PTH2R: variants seen among roughly 807,000 people sequenced by gnomAD.
The protein encoded by PTH2R is parathyroid hormone 2 receptor, also known as PTH2 receptor.
Under a neutral mutation model 60.3 loss-of-function variants are expected in PTH2R, and 59 were observed. That is an observed-to-expected ratio of 0.98 (90% CI 0.79 to 1.22). PTH2R has a LOEUF of 1.22. PTH2R is among the 50% of genes most tolerant of loss of function. The pLI is 0.00. For synonymous variants in PTH2R, 256 were observed against 243.8 expected, an observed-to-expected ratio of 1.05 and a Z score of -0.47; for missense variants, 749 against 682.6, an observed-to-expected ratio of 1.10 and a Z score of -1.08.
intron 2 of PTH2R, among the ~76,000 whole-genome samples, chr2:208,431,214 T>C (rs1369409186): frequency 6.6e-6 from 1 of 152,224 alleles, no homozygotes; most frequent in Non-Finnish European, 1.5e-5. Context: ...GTTCAATCCA[T>C]CCATTAGTAA....
intron 1 of PTH2R, among the ~76,000 whole-genome samples, chr2:208,381,254 T>C (rs1172169085): frequency 6.6e-6 from 1 of 152,054 alleles, no homozygotes; most frequent in African/African-American, 2.4e-5. Context: ...ATGTATCATA[T>C]CCAGTTAAAA....
chr2:208,458,813 G>T (rs1702569721), intron 8 of PTH2R, among the ~76,000 whole-genome samples: 1 of 152,032 alleles, frequency 6.6e-6, no homozygotes, highest in East Asian at 1.9e-4. Flanking sequence ...ATATTCCATG[G>T]TATACATGTA....
chr2:208,457,725 C>T (rs1306993970), intron 8 of PTH2R, among the ~76,000 whole-genome samples: 1 of 152,088 alleles, frequency 6.6e-6, no homozygotes, highest in South Asian at 2.1e-4. Context: ...ATGGGGAGGA[C>T]TGAGACATCT....
intron 6 of PTH2R, 136 bp downstream of exon 6, chr2:208,443,673 A>T: frequency 1.5e-6 from 1 of 662,596 alleles, no homozygotes; most frequent in Non-Finnish European, 2.3e-6. Flanking sequence ...CAATTTGTAT[A>T]GTGATGTTTT....
At chr2:208,477,946 G>GTAC (rs1559231889) in intron 9 of PTH2R, among the ~76,000 whole-genome samples, 6 of 144,386 alleles carry the variant, frequency 4.2e-5, no homozygotes, top group East Asian at 2.1e-4. Flanking sequence ...ACTACTAGTA[G>GTAC]TACTAGCACT....
intron 1 of PTH2R, among the ~76,000 whole-genome samples, chr2:208,373,703 C>T (rs1410885865): frequency 3.3e-5 from 5 of 152,036 alleles, no homozygotes; most frequent in African/African-American, 4.8e-5. Flanking sequence ...AAAATTTCCA[C>T]ATTTTAATCT....
intron 1 of PTH2R, among the ~76,000 whole-genome samples, chr2:208,418,861 A>AT (rs1305716555): frequency 6.6e-6 from 1 of 152,180 alleles, no homozygotes; most frequent in Non-Finnish European, 1.5e-5. Context: ...TTATAGCTTC[A>AT]TAATAGCCTA....
chr2:208,482,244 A>G lies in PTH2R; in HGVS notation c.1076+1080A>G, dbSNP rs376362776. Among the ~76,000 whole-genome samples, 10 of 152,284 alleles carry G rather than the reference A, an allele frequency of 6.6e-5. No homozygotes were observed. In the East Asian group the frequency reaches 1.5e-3, roughly 24 times the overall value. ...TATTGTGGGATCTGGCCAGCAGCCC[A>G]CAATGCAACGGGGCTCTCTCTTTGT... On this transcript the variant is annotated intron_variant, in intron 10 of 12. Transcript: ENST00000272847.
chr2:208,377,949 C>A (rs1310344785), intron 1 of PTH2R, among the ~76,000 whole-genome samples: 1 of 151,990 alleles, frequency 6.6e-6, no homozygotes, highest in African/African-American at 2.4e-5. Context: ...GGCAGAGACG[C>A]TCCTCACTTC....
intron 1 of PTH2R, among the ~76,000 whole-genome samples, chr2:208,387,840 G>A (rs1701030149): frequency 6.6e-6 from 1 of 152,168 alleles, no homozygotes; most frequent in Non-Finnish European, 1.5e-5. Flanking sequence ...GGAAACGGAT[G>A]CTCTCATGTT....
intron 10 of PTH2R, among the ~76,000 whole-genome samples, chr2:208,488,702 C>T (rs34757991): frequency 0.026 from 3,953 of 152,008 alleles, 52 homozygotes; most frequent in Middle Eastern, 0.041. Flanking sequence ...ATGGCGAGAC[C>T]CCGTCTCTAC....
intron 8 of PTH2R, among the ~76,000 whole-genome samples, chr2:208,455,440 A>G (rs1415517708): frequency 6.6e-6 from 1 of 152,192 alleles, no homozygotes. Flanking sequence ...CATTCATTCA[A>G]TTAGTTATAT....
At chr2:208,473,401 G>T (rs1007253166) in intron 9 of PTH2R, among the ~76,000 whole-genome samples, 4 of 152,168 alleles carry the variant, frequency 2.6e-5, no homozygotes, top group African/African-American at 9.7e-5. Context: ...GCAATAGTAG[G>T]TAAATAATAT....
chr2:208,462,072 T>A (rs1381607012), intron 9 of PTH2R, among the ~76,000 whole-genome samples: 1 of 152,246 alleles, frequency 6.6e-6, no homozygotes, highest in Non-Finnish European at 1.5e-5. Context: ...AATATCTTTC[T>A]GTTCACTAAG....
chr2:208,415,608 C>T lies in PTH2R; in HGVS notation c.75+8490C>T, dbSNP rs572340912. On this transcript the variant is annotated intron_variant, in intron 1 of 12. Transcript: ENST00000272847. ...TAGTGTATGTGGATTTTTTTGCTAT[C>T]AAATAAAATGGAAAAGCATTGTGTT... Among the ~76,000 whole-genome samples, 6 of 152,210 alleles carry T rather than the reference C, an allele frequency of 3.9e-5. No homozygotes were observed. In the East Asian group the frequency reaches 1.2e-3, roughly 29 times the overall value.
intron 10 of PTH2R, among the ~76,000 whole-genome samples, chr2:208,487,801 G>T (rs1441214232): frequency 6.6e-6 from 1 of 152,162 alleles, no homozygotes; most frequent in Non-Finnish European, 1.5e-5. Context: ...GCTGGCTGTT[G>T]TCCAGATGCC....
At chr2:208,361,913 T>C (rs1317321962) in intron 1 of PTH2R, among the ~76,000 whole-genome samples, 2 of 152,240 alleles carry the variant, frequency 1.3e-5, no homozygotes, top group Non-Finnish European at 2.9e-5. Context: ...AGACAGCTGG[T>C]AAAACATTAT....
At chr2:208,401,754 T>C (rs973659877) in intron 1 of PTH2R, among the ~76,000 whole-genome samples, 1 of 152,134 alleles carries the variant, frequency 6.6e-6, no homozygotes, top group African/African-American at 2.4e-5. Context: ...ATGACTCCTC[T>C]GGAAATCCTC....
intron 1 of PTH2R, among the ~76,000 whole-genome samples, chr2:208,390,670 T>C (rs539523085): frequency 1.3e-4 from 20 of 152,312 alleles, no homozygotes; most frequent in African/African-American, 4.6e-4. Context: ...GCTACAGTAA[T>C]TGAGATTCTC....
Sources: gnomAD v4.1 joint callset for allele counts (sites outside exome capture counted in the v4.1 genomes callset) on GRCh38, gnomAD v4.1.1 for gene constraint, MANE v1.5 for transcripts, NCBI Gene and HGNC (gene_info 2026-07-23, HGNC 2026-07-21) for gene names.